Variants in HTR1F observed in about 807,000 individuals in gnomAD.
HTR1F encodes the protein 5-hydroxytryptamine receptor 1F.
Under a neutral mutation model 24.0 loss-of-function variants are expected in HTR1F, and 17 were observed. The ratio of observed to expected loss-of-function variants is 0.71; its 90% CI spans 0.48 to 1.06. HTR1F has a LOEUF of 1.06. Among genes scored for constraint, HTR1F ranks in the 50% least tolerant of loss-of-function variants. HTR1F has a pLI of 0.00. For missense variants in HTR1F, 391 were observed against 427.8 expected, an observed-to-expected ratio of 0.91 and a Z score of 0.76; for synonymous variants, 186 against 156.8, an observed-to-expected ratio of 1.19 and a Z score of -1.39.
intron 2 of HTR1F, among the ~76,000 whole-genome samples, chr3:87,943,621 C>T (rs1431399681): frequency 6.6e-6 from 1 of 152,106 alleles, no homozygotes; most frequent in African/African-American, 2.4e-5. Context: ...ACTCTGAGGG[C>T]TTCCTATAGG....
intron 2 of HTR1F, among the ~76,000 whole-genome samples, chr3:87,898,064 G>A (rs1018737859): frequency 3.3e-5 from 5 of 152,104 alleles, no homozygotes; most frequent in African/African-American, 1.2e-4. Context: ...TGAATAGGTG[G>A]ATGAAAAATA....
chr3:87,851,933 T>G lies in HTR1F; in HGVS notation c.-43+29809T>G, dbSNP rs560294016. On this transcript the variant is annotated intron_variant, in intron 2 of 2. Transcript: ENST00000319595. ...AATGAAAATAACAGTTTAATTTACT[T>G]TGCTATTTTGAAAAATAAATATAAC... 1.8e-4 allele frequency among the ~76,000 whole-genome samples: 27 copies of G among 151,154 alleles called. 1 individual carries two copies. Among genetic ancestry groups the G allele is most frequent in the African/African-American group, 6.3e-4 (26 of 41,052 alleles).
intron 2 of HTR1F, among the ~76,000 whole-genome samples, chr3:87,843,606 G>A (rs1704860088): frequency 6.7e-6 from 1 of 149,802 alleles, no homozygotes; most frequent in Non-Finnish European, 1.5e-5. Flanking sequence ...GTATACATGT[G>A]CCATGCTGGT....
chr3:87,936,159 G>A (rs1231920106), intron 2 of HTR1F, among the ~76,000 whole-genome samples: 1 of 152,046 alleles, frequency 6.6e-6, no homozygotes, highest in Non-Finnish European at 1.5e-5. Context: ...CTATTTTTAG[G>A]ATTTTTAAAT....
chr3:87,793,576 T>A (rs1703853298), intron 1 of HTR1F: 1 of 152,024 alleles, frequency 6.6e-6, no homozygotes, highest in African/African-American at 2.4e-5. Flanking sequence ...GAATGAGGGT[T>A]CATCCTCAGG....
intron 2 of HTR1F, among the ~76,000 whole-genome samples, chr3:87,971,389 A>T (rs896163333): frequency 1.3e-5 from 2 of 151,994 alleles, no homozygotes; most frequent in African/African-American, 2.4e-5. Flanking sequence ...GCAACATGAT[A>T]AAACCCCGTT....
intron 2 of HTR1F, among the ~76,000 whole-genome samples, chr3:87,839,023 TA>T (rs200162593): frequency 0.051 from 7,588 of 149,696 alleles, 246 homozygotes; most frequent in Middle Eastern, 0.087. Flanking sequence ...TTTTTATTTT[TA>T]TTTTTTTTTT....
chr3:87,948,769 G>A (rs1318318586), intron 2 of HTR1F, among the ~76,000 whole-genome samples: 6 of 152,204 alleles, frequency 3.9e-5, no homozygotes, highest in Admixed American at 2.0e-4. Flanking sequence ...ATGAGCCATC[G>A]TGCCCAGTCT....
chr3:87,868,479 G>A (rs1403998062), intron 2 of HTR1F, among the ~76,000 whole-genome samples: 1 of 151,568 alleles, frequency 6.6e-6, no homozygotes, highest in Non-Finnish European at 1.5e-5. Flanking sequence ...ATTAGTAGCA[G>A]GTTTTCTTAA....
intron 2 of HTR1F, among the ~76,000 whole-genome samples, chr3:87,844,442 G>A (rs1221015444): frequency 1.5e-5 from 2 of 134,450 alleles, no homozygotes; most frequent in East Asian, 2.1e-4. Flanking sequence ...TTTGTCAGAT[G>A]AGTAGGTTGC....
At position 87,866,837 on chromosome 3, in the gene HTR1F, TGTGTGTGTGC is replaced by T. The variant is rs1559611531; in HGVS notation, c.-43+44723_-43+44732del. Among the ~76,000 whole-genome samples, 212 of 150,428 alleles carry T rather than the reference TGTGTGTGTGC, an allele frequency of 1.4e-3. 1 individual carries two copies. The highest frequency in any genetic ancestry group is 4.9e-3 in the African/African-American group (199 of 40,274). ...GTGCGTGCGTGTGTGTGTGTGTGTG[TGTGTGTGTGC>T]GTGTGTGTGTTCAGGGAGCAGTTGT... is the stretch of plus-strand genomic sequence containing the variant. On this transcript the variant is annotated intron_variant, in intron 2 of 2. Transcript: ENST00000319595.
At chr3:87,846,371 T>C (rs957077041) in intron 2 of HTR1F, among the ~76,000 whole-genome samples, 22 of 151,880 alleles carry the variant, frequency 1.4e-4, no homozygotes, top group Middle Eastern at 6.8e-3. Context: ...GAGGCAGAGG[T>C]TGTTGCAGTG....
intron 2 of HTR1F, among the ~76,000 whole-genome samples, chr3:87,980,159 T>C (rs1232843733): frequency 2.0e-5 from 3 of 152,182 alleles, no homozygotes; most frequent in South Asian, 2.1e-4. Flanking sequence ...GTGAGGTACA[T>C]GGACAACTGG....
chr3:87,881,801 C>T lies in HTR1F; in HGVS notation c.-43+59677C>T, dbSNP rs181719456. 1.8e-3 allele frequency among the ~76,000 whole-genome samples: 279 copies of T among 152,258 alleles called. 9 individuals are homozygous for T. The East Asian group carries it at 0.05, about 27-fold the overall frequency. ...ATACCATTCAGGACATAGGCATGGG[C>T]AAGGACTTCATGTCTAAACACCAAA... is the stretch of plus-strand genomic sequence containing the variant. On this transcript the variant is annotated intron_variant, in intron 2 of 2. Transcript: ENST00000319595.
At chr3:87,851,068 C>T (rs1424249107) in intron 2 of HTR1F, among the ~76,000 whole-genome samples, 2 of 151,766 alleles carry the variant, frequency 1.3e-5, no homozygotes, top group Non-Finnish European at 1.5e-5. Flanking sequence ...ATCCCACCAC[C>T]TATATCTGTT....
intron 2 of HTR1F, among the ~76,000 whole-genome samples, chr3:87,908,027 C>T (rs1012696018): frequency 3.3e-5 from 5 of 151,750 alleles, no homozygotes; most frequent in African/African-American, 1.2e-4. Flanking sequence ...GTCATCTATC[C>T]TAAGGAAATA....
At chr3:87,926,763 A>T (rs1288760254) in intron 2 of HTR1F, among the ~76,000 whole-genome samples, 1 of 152,110 alleles carries the variant, frequency 6.6e-6, no homozygotes, top group Non-Finnish European at 1.5e-5. Context: ...ATATTACTAA[A>T]TTTTATAAAA....
chr3:87,988,897 A>G (rs1359954474), intron 2 of HTR1F, among the ~76,000 whole-genome samples: 1 of 152,004 alleles, frequency 6.6e-6, no homozygotes, highest in Non-Finnish European at 1.5e-5. Context: ...TTTATAATAT[A>G]CCTAACCACA....
chr3:87,944,900 G>T (rs569830419), intron 2 of HTR1F, among the ~76,000 whole-genome samples: 1 of 152,220 alleles, frequency 6.6e-6, no homozygotes, highest in African/African-American at 2.4e-5. Flanking sequence ...AGGCTATGCC[G>T]TTGTTTACAT....
Sources: allele counts gnomAD v4.1 joint callset (sites outside exome capture counted in the v4.1 genomes callset), GRCh38; gene constraint gnomAD v4.1.1; transcripts MANE v1.5; gene names NCBI Gene and HGNC (gene_info 2026-07-23, HGNC 2026-07-21).